The following ILKAP variants were observed in gnomAD, a reference collection of about 807,000 sequenced individuals.
The protein encoded by ILKAP is integrin-linked kinase-associated serine/threonine phosphatase 2C.
ILKAP carries 11 observed loss-of-function variants against 49.1 expected under a neutral mutation model. That is an observed-to-expected ratio of 0.22 (90% CI 0.14 to 0.37). ILKAP has a LOEUF of 0.37. Among genes scored for constraint, ILKAP ranks in the 10% least tolerant of loss-of-function variants. The pLI is 1.00. For missense variants in ILKAP, 363 were observed against 510.8 expected, an observed-to-expected ratio of 0.71 and a Z score of 2.79; for synonymous variants, 186 against 192.8, an observed-to-expected ratio of 0.96 and a Z score of 0.29.
intron 9 of ILKAP, among the ~76,000 whole-genome samples, chr2:238,176,397 C>A (rs944888587): frequency 6.6e-6 from 1 of 152,168 alleles, no homozygotes; most frequent in Non-Finnish European, 1.5e-5. Flanking sequence ...CCCCAAAGTG[C>A]TGGGATTACA....
At chr2:238,199,005 T>A (rs1414275532) in intron 1 of ILKAP, among the ~76,000 whole-genome samples, 1 of 152,166 alleles carries the variant, frequency 6.6e-6, no homozygotes, top group Non-Finnish European at 1.5e-5. Flanking sequence ...GTTTAGTGTA[T>A]CCTTTCCACT....
intron 9 of ILKAP, among the ~76,000 whole-genome samples, chr2:238,175,119 TCTC>T (rs1384059652): frequency 1.4e-5 from 2 of 138,150 alleles, no homozygotes; most frequent in Non-Finnish European, 3.3e-5. Flanking sequence ...TCTCTCATTC[TCTC>T]TTTTTTTTTT....
chr2:238,193,400 T>C (rs13407122), intron 3 of ILKAP, among the ~76,000 whole-genome samples: 17,309 of 152,218 alleles, frequency 0.11, 2,000 homozygotes, highest in African/African-American at 0.3. Context: ...TTTGTATTTT[T>C]AGTAGAGACA....
At chr2:238,193,466 C>T (rs1305689898) in intron 3 of ILKAP, among the ~76,000 whole-genome samples, 1 of 152,228 alleles carries the variant, frequency 6.6e-6, no homozygotes, top group Non-Finnish European at 1.5e-5. Context: ...AGTGATCTAC[C>T]CGCCTTGGCT....
chr2:238,173,621 G>A lies in ILKAP; in HGVS notation c.869C>T (p.Ser290Leu). The A allele has an allele frequency of 6.2e-7, 1 of 1,614,062 alleles. No homozygotes were observed. Among genetic ancestry groups the A allele is most frequent in the Non-Finnish European group, 8.5e-7 (1 of 1,179,942 alleles). Residue 290 changes from serine to leucine, a missense_variant, in exon 10 of 12, where the codon TCA (serine) becomes TTA (leucine). Physicochemically the swap from Ser to Leu is moderately radical, Grantham distance 145 (BLOSUM62 -2). Transcript: ENST00000254654. ...GTACTGCCCGTCCCCAATGGAGCGTGACACCTCTAGCACGCCCAAAACACG... is the reference window on the plus strand; with the variant it reads ...GTACTGCCCGTCCCCAATGGAGCGTAACACCTCTAGCACGCCCAAAACACG... ...DGRVLGVLEV[S>L]RSIGDGQYKR...
intron 10 of ILKAP, 117 bp from the exon 11 acceptor site, chr2:238,171,141 G>GT: frequency 2.9e-6 from 2 of 680,698 alleles, no homozygotes; most frequent in Non-Finnish European, 4.9e-6. Context: ...CAAAGGCTAA[G>GT]GTTTTTTTTT....
At position 238,189,897 on chromosome 2, in the gene ILKAP, T is replaced by C. The variant is rs965018999; in HGVS notation, c.254A>G (p.Glu85Gly). 5.6e-6 allele frequency: 9 copies of C among 1,614,124 alleles called. No individual in the cohort carries two copies. The highest frequency in any genetic ancestry group is 7.6e-6 in the Non-Finnish European group (9 of 1,179,938). The change falls in exon 4 of 12, where the codon GAG (glutamate) becomes GGG (glycine). Residue 85 changes from glutamate to glycine, a missense_variant. By Grantham distance (98) the Glu-to-Gly change is moderately conservative. Around this residue, in one of 3 missense-constraint regions of ILKAP, gnomAD observed 114 missense variants for 116.0 expected, o/e 0.98. Transcript: ENST00000254654. ...CACAAGCTCTTCACTGCCATTCTTC[T>C]CTTCCTCGGAGGTTTTTCTCTTTGC... Reference protein sequence around the residue: ...KGAKRKTSEEEKNGSEELVEK... With the variant: ...KGAKRKTSEEGKNGSEELVEK...
intron 8 of ILKAP, among the ~76,000 whole-genome samples, chr2:238,182,610 C>T (rs77871586): frequency 0.074 from 11,246 of 152,200 alleles, 660 homozygotes; most frequent in African/African-American, 0.16. Flanking sequence ...CCAGGTAGGC[C>T]GTCCACACCA....
At position 238,184,072 on chromosome 2, in the gene ILKAP, A is replaced by G. The variant is rs760066463; in HGVS notation, c.574T>C (p.Leu192=). ...TCATCAGTATGCTTGAAAGTGTCCA[A>G]AAGGCATCTCTTCACGGTTTTCTCT... is the stretch of plus-strand genomic sequence containing the variant. The part of the protein sequence containing the change: ...SVEKTVKRCL[L]DTFKHTDEEF... The change falls in exon 7 of 12, where the codon TTG becomes CTG. Residue 192 remains leucine (L), a synonymous_variant. Transcript: ENST00000254654. The G allele has an allele frequency of 2.5e-6, 4 of 1,611,618 alleles. No homozygotes were observed.
chr2:238,193,273 T>G (rs556739657), intron 3 of ILKAP, among the ~76,000 whole-genome samples: 1 of 152,254 alleles, frequency 6.6e-6, no homozygotes, highest in East Asian at 1.9e-4. Flanking sequence ...CAGGCTGGAG[T>G]GCAATGGCGT....
intron 3 of ILKAP, among the ~76,000 whole-genome samples, chr2:238,190,874 C>CTT (rs200095745): frequency 3.9e-5 from 3 of 76,146 alleles, no homozygotes; most frequent in African/African-American, 1.9e-4. Context: ...AGACGTTTCT[C>CTT]TTTAAAAAAA....
chr2:238,184,627 G>C (rs548738856), intron 6 of ILKAP, among the ~76,000 whole-genome samples: 1 of 151,906 alleles, frequency 6.6e-6, no homozygotes, highest in South Asian at 2.1e-4. Context: ...TGGTGCAACT[G>C]TGGTTCACTG....
intron 5 of ILKAP, chr2:238,186,087 A>C (rs913375583): frequency 3.9e-5 from 6 of 152,272 alleles, no homozygotes; most frequent in Non-Finnish European, 7.3e-5. Flanking sequence ...AACAGTAAAA[A>C]ATACAGTCAT....
At chr2:238,180,499 A>G (rs2106330130) in intron 9 of ILKAP, among the ~76,000 whole-genome samples, 2 of 152,358 alleles carry the variant, frequency 1.3e-5, no homozygotes, top group East Asian at 3.9e-4. Context: ...GTTCACTGCT[A>G]GTAGATTTGG....
chr2:238,194,759 T>G, intron 2 of ILKAP, 46 bp downstream of exon 2: 2 of 1,554,158 alleles, frequency 1.3e-6, no homozygotes, highest in South Asian at 1.1e-5. Flanking sequence ...AATCCCAGGA[T>G]GAGTAGAGAC....
At chr2:238,193,359 G>A (rs62194899) in intron 3 of ILKAP, among the ~76,000 whole-genome samples, 3 of 151,798 alleles carry the variant, frequency 2.0e-5, no homozygotes, top group South Asian at 2.1e-4. Context: ...TAGCTGGGAC[G>A]ACAGGCACAT....
chr2:238,183,545 G>C (rs1400813737), intron 8 of ILKAP, 108 bp downstream of exon 8: 1 of 796,022 alleles, frequency 1.3e-6, no homozygotes, highest in Non-Finnish European at 2.0e-6. Context: ...CCAGAAGAAA[G>C]GTTTCAACCA....
intron 3 of ILKAP, among the ~76,000 whole-genome samples, chr2:238,193,496 T>C (rs1323303313): frequency 1.3e-5 from 2 of 152,208 alleles, no homozygotes; most frequent in African/African-American, 2.4e-5. Flanking sequence ...GCTGGGATTA[T>C]AGGCGTGAGC....
At chr2:238,200,376 A>G (rs1302093692) in intron 1 of ILKAP, among the ~76,000 whole-genome samples, 2 of 152,240 alleles carry the variant, frequency 1.3e-5, no homozygotes. Context: ...GGGTGGGAAC[A>G]TTAGATGCAA....
Sources: allele counts gnomAD v4.1 joint callset (sites outside exome capture counted in the v4.1 genomes callset), GRCh38; gene constraint gnomAD v4.1.1; regional missense constraint gnomAD v4.1.1; transcripts MANE v1.5; gene names NCBI Gene and HGNC (gene_info 2026-07-23, HGNC 2026-07-21).